ADAMTS13: variants seen among roughly 807,000 people sequenced by gnomAD.
ADAMTS13 encodes the protein A disintegrin and metalloproteinase with thrombospondin motifs 13.
In ADAMTS13, 110 loss-of-function variants were observed where a neutral mutation model predicts 155.1. The ratio of observed to expected loss-of-function variants is 0.71; its 90% CI spans 0.61 to 0.83. ADAMTS13 has a LOEUF of 0.83. Among genes scored for constraint, ADAMTS13 ranks in the 40% least tolerant of loss-of-function variants. ADAMTS13 has a pLI of 0.00. For missense variants in ADAMTS13, 1,707 were observed against 1,891.7 expected, an observed-to-expected ratio of 0.90 and a Z score of 1.81; for synonymous variants, 758 against 756.4, an observed-to-expected ratio of 1.00 and a Z score of -0.03.
chr9:133,417,855 T>C (rs781968355), upstream of ADAMTS13: 6 of 1,595,788 alleles, frequency 3.8e-6, no homozygotes, highest in Non-Finnish European at 5.1e-6. Context: ...CCTGCTGCCG[T>C]CCAGCGCCTG....
chr9:133,437,603 C>T (rs1401234461), intron 12 of ADAMTS13, 146 bp from the exon 13 acceptor site: 11 of 911,916 alleles, frequency 1.2e-5, no homozygotes, highest in South Asian at 5.6e-5. Context: ...AGATTAGGAT[C>T]GTGATTAGGA....
chr9:133,418,861 C>A (rs1839829692), upstream of ADAMTS13, among the ~76,000 whole-genome samples: 2 of 152,178 alleles, frequency 1.3e-5, no homozygotes, highest in South Asian at 4.1e-4. Context: ...TTAGTTTTTA[C>A]TTCTTTATTT....
chr9:133,417,707 G>A, upstream of ADAMTS13: 1 of 1,614,120 alleles, frequency 6.2e-7, no homozygotes, highest in Admixed American at 1.7e-5. Flanking sequence ...CTGGCTTCTT[G>A]CTTACTTCCC....
intron 22 of ADAMTS13, 131 bp downstream of exon 22, chr9:133,448,859 A>G: frequency 1.4e-6 from 2 of 1,407,418 alleles, no homozygotes; most frequent in Non-Finnish European, 1.9e-6. Flanking sequence ...AGGCTGGACC[A>G]TGGCCGCCCC....
chr9:133,418,106 G>A (rs959899332), upstream of ADAMTS13: 4 of 511,064 alleles, frequency 7.8e-6, no homozygotes, highest in Non-Finnish European at 1.4e-5. Context: ...AGCCTGGGCG[G>A]TTCACCCGCA....
In ADAMTS13 at chr9:133,429,964, G is replaced by A; in HGVS notation, c.850G>A (p.Asp284Asn). The A allele has an allele frequency of 1.9e-6, 3 of 1,539,748 alleles. No homozygotes were observed. The highest frequency in any genetic ancestry group is 2.6e-6 in the Non-Finnish European group (3 of 1,147,398). Residue 284 changes from aspartate (D) to asparagine (N), a missense_variant, in exon 8 of 29, where the codon GAC becomes AAC. By Grantham distance (23) the Asp-to-Asn change is conservative (BLOSUM62 1). Around this residue, in one of 3 missense-constraint regions of ADAMTS13, gnomAD observed 733 missense variants for 749.6 expected, o/e 0.98. Coordinates refer to ENST00000355699, the MANE Select transcript of ADAMTS13 (RefSeq NM_139027.6). The stretch of plus-strand genomic sequence containing the variant: ...CGCAGGACGGGCGCGCTGCGTGTGG[G>A]ACCCGCCGCGGCCTCAACCCGGGTC... ...LSAGRARCVW[D>N]PPRPQPGSAG...
Position 133,455,281 on chromosome 9 carries a change from G to GCA in ADAMTS13, c.3250-3_3250-2dup, listed in dbSNP as rs1842670392. ...CTGTGACTCCTCCTCCCCTCTCTTG[G>GCA]CAGTGCTCTGTTTCCTGTGGGGATG... On this transcript the variant is annotated splice_polypyrimidine_tract_variant and splice_region_variant and intron_variant, in intron 24 of 28. Transcript: ENST00000355699. The GCA allele has an allele frequency of 6.2e-7, 1 of 1,601,226 alleles. No homozygotes were observed. Among genetic ancestry groups the GCA allele is most frequent in the African/African-American group, 1.3e-5 (1 of 75,040 alleles).
intron 24 of ADAMTS13, 99 bp downstream of exon 24, chr9:133,454,718 G>A: frequency 1.4e-6 from 2 of 1,409,732 alleles, no homozygotes; most frequent in South Asian, 1.3e-5. Context: ...GGCTCATCGT[G>A]TCCCCTGAAA....
At chr9:133,428,314 C>CT (rs1248064106) in intron 6 of ADAMTS13, among the ~76,000 whole-genome samples, 1 of 152,270 alleles carries the variant, frequency 6.6e-6, no homozygotes, top group African/African-American at 2.4e-5. Flanking sequence ...CAGTCCCCAC[C>CT]TCCCCACAGA....
At chr9:133,427,654 T>C (rs587758815) in intron 6 of ADAMTS13, among the ~76,000 whole-genome samples, 1 of 152,056 alleles carries the variant, frequency 6.6e-6, no homozygotes, top group East Asian at 1.9e-4. Flanking sequence ...AGGGAGCAGG[T>C]GGTGTTAGAC....
chr9:133,433,957 G>A (rs1246379220), intron 11 of ADAMTS13, among the ~76,000 whole-genome samples: 2 of 152,060 alleles, frequency 1.3e-5, no homozygotes, highest in Admixed American at 1.3e-4. Context: ...TTAGCCGGGC[G>A]TGGTGGTGGG....
chr9:133,446,738 G>C (rs1842089234), intron 21 of ADAMTS13, among the ~76,000 whole-genome samples: 1 of 152,190 alleles, frequency 6.6e-6, no homozygotes, highest in South Asian at 2.1e-4. Context: ...TTTAATTTTT[G>C]TGGAACTGCT....
At chr9:133,419,299 T>G (rs2130758837), upstream of ADAMTS13, among the ~76,000 whole-genome samples, 1 of 152,256 alleles carries the variant, frequency 6.6e-6, no homozygotes, top group Non-Finnish European at 1.5e-5. Context: ...GGTGGAGCCA[T>G]GAGCTCCTTT....
At chr9:133,431,370 A>G (rs1840752830) in intron 8 of ADAMTS13, among the ~76,000 whole-genome samples, 2 of 145,758 alleles carry the variant, frequency 1.4e-5, no homozygotes, top group Non-Finnish European at 3.0e-5. Flanking sequence ...TCTGTCACCC[A>G]GGCTGGAGTG....
rs2130868060 is a variant in ADAMTS13 at position 133,441,053 on chromosome 9, G to A, written c.1968+528G>A. On this transcript the variant is annotated intron_variant, in intron 16 of 28. Transcript: ENST00000355699. This position sits in a 1 kb window ranked among gnomAD's most constrained non-coding sequence, Gnocchi z 5.0. ...TGCTGGCTCTCACTGCTTCTTTGGT[G>A]CAGTGTGTGTGGGAACCGGAAGGCC... Among the ~76,000 whole-genome samples, 1 of 152,286 alleles carries A rather than the reference G, an allele frequency of 6.6e-6. No homozygotes were observed. The highest frequency in any genetic ancestry group is 1.9e-4 in the East Asian group (1 of 5,184).
chr9:133,431,814 C>T (rs1359383779), intron 8 of ADAMTS13, among the ~76,000 whole-genome samples: 1 of 152,194 alleles, frequency 6.6e-6, no homozygotes, highest in Non-Finnish European at 1.5e-5. Context: ...GCCACCACAC[C>T]CGGCTAATTT....
chr9:133,432,521 G>A, intron 8 of ADAMTS13, 67 bp from the exon 9 acceptor site: 1 of 1,365,286 alleles, frequency 7.3e-7, no homozygotes, highest in Non-Finnish European at 1.0e-6. Flanking sequence ...GGACAGTTAA[G>A]GTTGGACACT....
chr9:133,433,102 TGG>T (rs1302704659), intron 9 of ADAMTS13, among the ~76,000 whole-genome samples: 1 of 95,448 alleles, frequency 1.0e-5, no homozygotes, highest in Admixed American at 1.4e-4. Context: ...GTGTGTATGT[TGG>T]GGGGTCTCTG....
chr9:133,428,972 C>T (rs1428506843), intron 7 of ADAMTS13, among the ~76,000 whole-genome samples: 1 of 145,390 alleles, frequency 6.9e-6, no homozygotes, highest in African/African-American at 2.6e-5. Flanking sequence ...TCCAGCCAGC[C>T]CGCTGGGCCG....
Sources: gnomAD v4.1 joint callset for allele counts (sites outside exome capture counted in the v4.1 genomes callset) on GRCh38, gnomAD v4.1.1 for gene constraint, gnomAD v4.1.1 regional missense constraint, Gnocchi (gnomAD v3.1) non-coding constraint, MANE v1.5 for transcripts, NCBI Gene and HGNC (gene_info 2026-07-23, HGNC 2026-07-21) for gene names.